Variants in ALOX5 observed in about 807,000 individuals in gnomAD.
ALOX5 encodes the protein arachidonate 5-lipoxygenase.
A neutral mutation model predicts 87.9 loss-of-function variants in ALOX5; 64 were observed. The observed-to-expected ratio is 0.73, with a 90% CI of 0.60 to 0.90. ALOX5 has a LOEUF of 0.90. ALOX5 is among the 40% of genes least tolerant of loss of function. The pLI, the probability that ALOX5 is intolerant of heterozygous loss-of-function variation, is 0.00. For synonymous variants in ALOX5, 388 were observed against 355.1 expected, an observed-to-expected ratio of 1.09 and a Z score of -1.04; for missense variants, 822 against 907.5, an observed-to-expected ratio of 0.91 and a Z score of 1.21.
chr10:45,431,548 G>T (rs1376958823), intron 7 of ALOX5, among the ~76,000 whole-genome samples: 1 of 148,456 alleles, frequency 6.7e-6, no homozygotes, highest in Non-Finnish European at 1.5e-5. Context: ...AAACTATAAA[G>T]TTATTTATTT....
At chr10:45,443,283 GCCTGGCCCC>G (rs1231848573) in intron 10 of ALOX5, 67 bp downstream of exon 10, 5 of 1,585,604 alleles carry the variant, frequency 3.2e-6, no homozygotes, top group Admixed American at 3.4e-5. Flanking sequence ...CCTGGGGCGG[GCCTGGCCCC>G]TCCACCGCTA....
chr10:45,394,004 G>C (rs1301981500), intron 2 of ALOX5, among the ~76,000 whole-genome samples: 2 of 152,130 alleles, frequency 1.3e-5, no homozygotes, highest in Admixed American at 6.6e-5. Flanking sequence ...TAGGAAGAAT[G>C]AATATCATAA....
At position 45,383,244 on chromosome 10, in the gene ALOX5, A is replaced by C. The variant is rs1231506219; in HGVS notation, c.349+563A>C. Among the ~76,000 whole-genome samples the C allele has an allele frequency of 2.6e-5, 4 of 152,260 alleles. No individual in the cohort carries two copies. The East Asian group carries it at 7.7e-4, about 29-fold the overall frequency. Reference sequence around the variant, plus strand: ...CTCACCTTTCGCTGAAAGAAAGAAGAACCTCAAATCTGTTCCCCTTACTAA... The same window carrying C: ...CTCACCTTTCGCTGAAAGAAAGAAGCACCTCAAATCTGTTCCCCTTACTAA... On this transcript the variant is annotated intron_variant, in intron 2 of 13. Coordinates refer to ENST00000374391, the MANE Select transcript of ALOX5 (RefSeq NM_000698.5).
At chr10:45,390,903 G>A (rs898653254) in intron 2 of ALOX5, among the ~76,000 whole-genome samples, 46 of 152,216 alleles carry the variant, frequency 3.0e-4, no homozygotes, top group South Asian at 8.3e-4. Context: ...GAGTCCAGGA[G>A]CTGATTTTTT....
intron 1 of ALOX5, among the ~76,000 whole-genome samples, chr10:45,380,760 G>A (rs1839796677): frequency 6.6e-6 from 1 of 152,104 alleles, no homozygotes; most frequent in South Asian, 2.1e-4. Context: ...TGGCCAACAT[G>A]GTGAAACCCT....
At chr10:45,431,333 CAATA>C (rs1174172440) in intron 7 of ALOX5, among the ~76,000 whole-genome samples, 2 of 151,914 alleles carry the variant, frequency 1.3e-5, no homozygotes, top group Non-Finnish European at 2.9e-5. Context: ...GGAAAACAAT[CAATA>C]AACATATTGT....
intron 2 of ALOX5, among the ~76,000 whole-genome samples, chr10:45,393,652 G>T (rs1173146698): frequency 6.6e-6 from 1 of 152,200 alleles, no homozygotes; most frequent in Non-Finnish European, 1.5e-5. Flanking sequence ...TAGGAAAAGA[G>T]GAAGTCAAAT....
intron 4 of ALOX5, among the ~76,000 whole-genome samples, chr10:45,421,383 A>G (rs1221895539): frequency 2.0e-5 from 3 of 152,186 alleles, no homozygotes; most frequent in Non-Finnish European, 4.4e-5. Flanking sequence ...CCGGGACCTC[A>G]GGTGCCCCAG....
intron 2 of ALOX5, among the ~76,000 whole-genome samples, chr10:45,391,936 T>C: frequency 6.9e-6 from 1 of 144,636 alleles, no homozygotes; most frequent in African/African-American, 2.6e-5. Context: ...CCGCCCCGTC[T>C]GGGAAGTGAG....
intron 2 of ALOX5, among the ~76,000 whole-genome samples, chr10:45,395,544 A>G (rs1840466446): frequency 6.6e-6 from 1 of 152,156 alleles, no homozygotes; most frequent in Non-Finnish European, 1.5e-5. Context: ...AACATGACAC[A>G]TGTATACATA....
chr10:45,438,735 A>C (rs914965781), intron 7 of ALOX5, among the ~76,000 whole-genome samples: 1 of 152,264 alleles, frequency 6.6e-6, no homozygotes, highest in Non-Finnish European at 1.5e-5. Context: ...ACCTGGGTGC[A>C]GAGTTCTGAG....
intron 4 of ALOX5, among the ~76,000 whole-genome samples, chr10:45,422,917 C>T (rs559899183): frequency 3.9e-4 from 59 of 152,300 alleles, no homozygotes; most frequent in Non-Finnish European, 6.6e-4. Flanking sequence ...TCTCTGTGTT[C>T]CCACAGCATG....
chr10:45,415,914 T>C (rs1005269482), intron 4 of ALOX5, among the ~76,000 whole-genome samples: 1 of 152,212 alleles, frequency 6.6e-6, no homozygotes, highest in Non-Finnish European at 1.5e-5. Flanking sequence ...TTTTTCCCTT[T>C]TGGCAGAGTG....
chr10:45,379,381 T>C (rs1450348093), intron 1 of ALOX5, among the ~76,000 whole-genome samples: 1 of 152,134 alleles, frequency 6.6e-6, no homozygotes, highest in Non-Finnish European at 1.5e-5. Context: ...CCCTCAGTCC[T>C]CACCGCACAC....
chr10:45,403,046 A>G (rs145526033), intron 3 of ALOX5, among the ~76,000 whole-genome samples: 319 of 152,346 alleles, frequency 2.1e-3, no homozygotes, highest in African/African-American at 7.3e-3. Context: ...TACCACCGGC[A>G]GGAGGACAAG....
Position 45,444,247 on chromosome 10 carries a change from G to A in ALOX5, c.1806G>A (p.Leu602=), listed in dbSNP as rs984346080. Residue 602 remains leucine, a synonymous_variant, in exon 13 of 14, where the codon CTG becomes CTA. Coordinates refer to ENST00000374391, the MANE Select transcript of ALOX5 (RefSeq NM_000698.5). The stretch of plus-strand genomic sequence containing the variant: ...ACCGCGGCCGCTCCTGCTGGCATCT[G>A]GGTGCAGTGTGGGCGCTGAGCCAGT... The part of the protein sequence containing the change: ...LPDRGRSCWH[L]GAVWALSQFQ... The A allele has an allele frequency of 7.1e-6, 11 of 1,555,416 alleles. No individual in the cohort carries two copies. Among genetic ancestry groups the A allele is most frequent in the Middle Eastern group, 1.8e-4 (1 of 5,474 alleles).
At chr10:45,379,860 G>A (rs1340501527) in intron 1 of ALOX5, among the ~76,000 whole-genome samples, 1 of 152,062 alleles carries the variant, frequency 6.6e-6, no homozygotes, top group African/African-American at 2.4e-5. Flanking sequence ...TGAATTCAGA[G>A]CTCCAGACCC....
intron 7 of ALOX5, among the ~76,000 whole-genome samples, chr10:45,434,337 T>TA (rs1842000700): frequency 6.6e-6 from 1 of 152,236 alleles, no homozygotes; most frequent in African/African-American, 2.4e-5. Flanking sequence ...CAGCCTTCGC[T>TA]AGCAGCCACT....
intron 3 of ALOX5, among the ~76,000 whole-genome samples, chr10:45,403,461 C>A (rs917265143): frequency 2.6e-5 from 4 of 151,998 alleles, no homozygotes; most frequent in Non-Finnish European, 5.9e-5. Flanking sequence ...TGGTCATTAC[C>A]GGGGATGGAA....
Sources: allele counts gnomAD v4.1 joint callset (sites outside exome capture counted in the v4.1 genomes callset), GRCh38; gene constraint gnomAD v4.1.1; transcripts MANE v1.5; gene names NCBI Gene and HGNC (gene_info 2026-07-23, HGNC 2026-07-21).